SACS: variants seen among roughly 807,000 people sequenced by gnomAD.
SACS encodes sacsin.
Under a neutral mutation model 348.0 loss-of-function variants are expected in SACS, and 197 were observed. The ratio of observed to expected loss-of-function variants is 0.57; its 90% CI spans 0.50 to 0.64. SACS has a LOEUF of 0.64. SACS is among the 30% of genes least tolerant of loss of function. The pLI is 0.00. For missense variants in SACS, 4,999 were observed against 5,360.8 expected (o/e 0.93, Z 2.11); for synonymous variants, 1,985 against 1,910.6 (o/e 1.04, Z -1.02).
chr13:23,336,571 G>A lies in SACS; in HGVS notation c.7305C>T (p.Leu2435=), dbSNP rs778444756. ...AAAATTCTTGTTTCTTTTCTCTAAT[G>A]AGACTCCATATTCCTTCACTGATTA... is the stretch of plus-strand genomic sequence containing the variant. ...RRIISEGIWS[L]IREKKQEFCE... The change falls in exon 10 of 10, where the codon CTC becomes CTT. Residue 2435 remains leucine (L), a synonymous_variant. Transcript: ENST00000382292. 1.9e-6 allele frequency: 3 copies of A among 1,613,634 alleles called. No homozygotes were observed. The highest frequency in any genetic ancestry group is 1.1e-5 in the South Asian group (1 of 91,058).
Position 23,331,541 on chromosome 13 carries a change from T to C in SACS, c.12335A>G (p.Asn4112Ser), listed in dbSNP as rs775473266. 5.6e-6 allele frequency: 9 copies of C among 1,613,792 alleles called. No individual in the cohort carries two copies. In the Admixed American group the frequency reaches 6.7e-5, roughly 12 times the overall value. The change falls in exon 10 of 10, where the codon AAT (asparagine) becomes AGT (serine). Residue 4112 changes from asparagine to serine, a missense_variant. Around this residue, in one of 6 missense-constraint regions of SACS, gnomAD observed 831 missense variants for 941.8 expected, o/e 0.88. Coordinates refer to ENST00000382292, the MANE Select transcript of SACS (RefSeq NM_014363.6). Reference sequence around the variant, plus strand: ...TAAATATGAAGTGTCAGAAATCAAATTGTCAGTTGCTGATTTAAGAGTCAT... The same window carrying C: ...TAAATATGAAGTGTCAGAAATCAAACTGTCAGTTGCTGATTTAAGAGTCAT... Reference protein sequence around the residue: ...LAMTLKSATDNLISDTSYLIA... With the variant: ...LAMTLKSATDSLISDTSYLIA...
At position 23,331,314 on chromosome 13, in the gene SACS, C is replaced by A; in HGVS notation, c.12562G>T (p.Ala4188Ser). The change falls in exon 10 of 10, where the codon GCT (alanine) becomes TCT (serine). Residue 4188 changes from alanine to serine, a missense_variant. By Grantham distance (99) the Ala-to-Ser change is moderately conservative (BLOSUM62 1). Around this residue, in one of 6 missense-constraint regions of SACS, gnomAD observed 831 missense variants for 941.8 expected, o/e 0.88. Transcript: ENST00000382292. ...PGEYVGYLVD[A>S]EGGDIYGSYQ... ...GATCCATAGATATCACCACCTTCAG[C>A]ATCAACAAGGTACCCAACATATTCT... 6.2e-7 allele frequency: 1 copy of A among 1,613,926 alleles called. No individual in the cohort carries two copies. Among genetic ancestry groups the A allele is most frequent in the Admixed American group, 1.7e-5 (1 of 60,014 alleles).
chr13:23,395,266 G>A (rs1159043296), intron 2 of SACS, among the ~76,000 whole-genome samples: 2 of 152,136 alleles, frequency 1.3e-5, no homozygotes, highest in Non-Finnish European at 2.9e-5. Flanking sequence ...CTCAGTCACT[G>A]AAACCCCCCT....
rs1462949571 is a variant in SACS at position 23,340,928 on chromosome 13, A to G, written c.2948T>C (p.Ile983Thr). The G allele has an allele frequency of 1.2e-6, 2 of 1,613,858 alleles. No individual in the cohort carries two copies. Among genetic ancestry groups the G allele is most frequent in the Non-Finnish European group, 1.7e-6 (2 of 1,179,872 alleles). The change falls in exon 10 of 10, where the codon ATA becomes ACA. Residue 983 changes from isoleucine to threonine, a missense_variant. This residue lies in a region of SACS where 3,156 missense variants were observed against 3,380.1 expected (regional missense o/e 0.93). Transcript: ENST00000382292. ...GCAGCTAGTGGTCTTTAACTGTTCT[A>G]TTTTCAACATGTTTGCCAGACGAAT... ...ATIRLANMLK[I>T]EQLKTTSCLK...
At position 23,333,283 on chromosome 13, in the gene SACS, G is replaced by A. The variant is rs769306915; in HGVS notation, c.10593C>T (p.Asn3531=). The change falls in exon 10 of 10, where the codon AAC becomes AAT. Residue 3531 remains asparagine (N), a synonymous_variant. Transcript: ENST00000382292. The stretch of plus-strand genomic sequence containing the variant: ...AATGCTTTGCTTGCTTTAGTCTACT[G>A]TTAGCATCATGGATTATCAATAAAC... The part of the protein sequence containing the change: ...LESLLIIHDA[N]SRLKQAKHFY... 12 of 1,605,272 alleles carry A rather than the reference G, an allele frequency of 7.5e-6. No homozygotes were observed. The highest frequency in any genetic ancestry group is 1.3e-5 in the African/African-American group (1 of 74,404).
At chr13:23,412,724 C>T (rs2137967054) in intron 1 of SACS, among the ~76,000 whole-genome samples, 1 of 152,112 alleles carries the variant, frequency 6.6e-6, no homozygotes, top group East Asian at 1.9e-4. Context: ...CCCAAACCTA[C>T]AACTTTATGT....
At chr13:23,389,162 ATG>A (rs1007183835) in intron 2 of SACS, among the ~76,000 whole-genome samples, 1 of 151,264 alleles carries the variant, frequency 6.6e-6, no homozygotes. Context: ...TAAAACATAT[ATG>A]TGTGTGTATA....
At chr13:23,375,461 G>A (rs1488206886) in intron 2 of SACS, 192 bp from the exon 3 acceptor site, 4 of 1,173,102 alleles carry the variant, frequency 3.4e-6, no homozygotes, top group Non-Finnish European at 4.2e-6. Flanking sequence ...CCGGGAGGGC[G>A]GGATCCGCAT....
chr13:23,375,059 C>G, intron 3 of SACS, 60 bp downstream of exon 3: 1 of 1,381,818 alleles, frequency 7.2e-7, no homozygotes. Flanking sequence ...CCCGGGCCCT[C>G]GACGCCCGCC....
chr13:23,355,342 T>C lies in SACS; in HGVS notation c.1270A>G (p.Met424Val), dbSNP rs1286940495. 6.2e-7 allele frequency: 1 copy of C among 1,614,146 alleles called. No individual in the cohort carries two copies. The highest frequency in any genetic ancestry group is 8.5e-7 in the Non-Finnish European group (1 of 1,180,034). Residue 424 changes from methionine to valine, a missense_variant, in exon 8 of 10, where the codon ATG becomes GTG. Physicochemically the swap from Met to Val is conservative, Grantham distance 21 (BLOSUM62 1). Transcript: ENST00000382292. ...LKFVPIIGIA[M>V]PLSSRDDEAK... Reference sequence around the variant, plus strand: ...TCATCATCTCTGCTTGATAAAGGCATGGCTATTCCAATGATTGGGACAAAT... The same window carrying C: ...TCATCATCTCTGCTTGATAAAGGCACGGCTATTCCAATGATTGGGACAAAT...
rs147491436 is a variant in SACS, at chr13:23,403,109, T to C, written c.20+8111A>G. On this transcript the variant is annotated intron_variant, in intron 2 of 9. Transcript: ENST00000382292. Reference sequence around the variant, plus strand: ...AGGAGAATCGCTTGAACCCAGAAGGTGGAGGTTGCAGTGAGCCGAGACTAC... The same window carrying C: ...AGGAGAATCGCTTGAACCCAGAAGGCGGAGGTTGCAGTGAGCCGAGACTAC... Among the ~76,000 whole-genome samples the C allele has an allele frequency of 4.3e-5, 5 of 116,058 alleles. No individual in the cohort carries two copies. In the East Asian group the frequency reaches 1.3e-3, roughly 30 times the overall value. The allele number at this position is 116,058 out of a possible 152,430, so 76.1% of individuals were successfully genotyped here.
chr13:23,417,180 A>G (rs75792437), intron 1 of SACS, among the ~76,000 whole-genome samples: 453 of 152,340 alleles, frequency 3.0e-3, no homozygotes, highest in African/African-American at 9.9e-3. Context: ...ATGAACTTTA[A>G]TGAAAGACAT....
At chr13:23,352,389 A>G (rs1014839623) in intron 9 of SACS, among the ~76,000 whole-genome samples, 3 of 152,218 alleles carry the variant, frequency 2.0e-5, no homozygotes, top group East Asian at 3.8e-4. Context: ...ATTAACTAGC[A>G]AAGTGAATCT....
At chr13:23,400,326 A>G (rs939644993) in intron 2 of SACS, among the ~76,000 whole-genome samples, 1 of 152,242 alleles carries the variant, frequency 6.6e-6, no homozygotes, top group Non-Finnish European at 1.5e-5. Context: ...TTTATGGTTT[A>G]TATGGCATGA....
Position 23,331,150 on chromosome 13 carries a change from C to A in SACS, c.12726G>T (p.Leu4242=). The change falls in exon 10 of 10, where the codon CTG becomes CTT. Residue 4242 remains leucine (L), a synonymous_variant. Transcript: ENST00000382292. ...SEYKIVSSLD[L]YKFSRPEESS... Reference sequence around the variant, plus strand: ...TTTCCTCAGGTCTTGAAAACTTATACAGATCAAGAGAGCTAACTATTTTAT... The same window carrying A: ...TTTCCTCAGGTCTTGAAAACTTATAAAGATCAAGAGAGCTAACTATTTTAT... 1 of 1,613,958 alleles carries A rather than the reference C, an allele frequency of 6.2e-7. No individual in the cohort carries two copies. The highest frequency in any genetic ancestry group is 8.5e-7 in the Non-Finnish European group (1 of 1,179,824).
intron 2 of SACS, among the ~76,000 whole-genome samples, chr13:23,400,592 T>G (rs919537658): frequency 6.6e-6 from 1 of 152,160 alleles, no homozygotes; most frequent in Admixed American, 6.5e-5. Flanking sequence ...GGCTAATTTT[T>G]TGTATTTTTA....
intron 1 of SACS, chr13:23,427,760 T>C (rs1874245978): frequency 6.6e-6 from 1 of 152,182 alleles, no homozygotes; most frequent in Non-Finnish European, 1.5e-5. Flanking sequence ...ACAAAGTGAA[T>C]TGCACCGGAG....
Position 23,355,952 on chromosome 13 carries a change from T to C in SACS, c.660A>G (p.Thr220=). 1 of 1,614,124 alleles carries C rather than the reference T, an allele frequency of 6.2e-7. No homozygotes were observed. Among genetic ancestry groups the C allele is most frequent in the Non-Finnish European group, 8.5e-7 (1 of 1,180,014 alleles). ...DQIGMLDPHQ[T]LFGPHESGQC... ...GGCCTGATTCATGTGGGCCAAAAAG[T>C]GTTTGATGAGGATCTAGCATCCCGA... Residue 220 remains threonine (T), a synonymous_variant, in exon 8 of 10, where the codon ACA becomes ACG. Coordinates refer to ENST00000382292, the MANE Select transcript of SACS (RefSeq NM_014363.6).
At chr13:23,393,117 G>A (rs1009247996) in intron 2 of SACS, among the ~76,000 whole-genome samples, 6 of 152,096 alleles carry the variant, frequency 3.9e-5, no homozygotes, top group East Asian at 1.9e-4. Context: ...CAGGGCCCCT[G>A]GACCAACAGG....
Sources: gnomAD v4.1 joint callset for allele counts (sites outside exome capture counted in the v4.1 genomes callset) on GRCh38, gnomAD v4.1.1 for gene constraint, gnomAD v4.1.1 regional missense constraint, MANE v1.5 for transcripts, NCBI Gene and HGNC (gene_info 2026-07-23, HGNC 2026-07-21) for gene names.